The following NEGR1 variants were observed in gnomAD, a reference collection of about 807,000 sequenced individuals.
NEGR1 encodes IgLON family member 4.
NEGR1 carries 10 observed loss-of-function variants against 40.9 expected under a neutral mutation model. The ratio of observed to expected loss-of-function variants is 0.24; its 90% CI spans 0.15 to 0.42. The LOEUF is 0.42. NEGR1 is among the 10% of genes least tolerant of loss of function. The probability of loss-of-function intolerance (pLI) is 1.00; values close to 1 mark genes in which losing one functional copy is unlikely to be tolerated. For missense variants in NEGR1, 352 were observed against 438.9 expected (o/e 0.80, Z 1.77); for synonymous variants, 185 against 166.8 (o/e 1.11, Z -0.84).
chr1:71,471,416 C>T (rs989467303), intron 6 of NEGR1, among the ~76,000 whole-genome samples: 1 of 152,060 alleles, frequency 6.6e-6, no homozygotes, highest in Admixed American at 6.6e-5. Context: ...GAGGCCTTGG[C>T]GGCCAGATCA....
rs2483661 is a variant in NEGR1, at chr1:71,543,394, C to G, written c.940+49423G>C. On this transcript the variant is annotated intron_variant, in intron 6 of 6. Coordinates refer to ENST00000357731, the MANE Select transcript of NEGR1 (RefSeq NM_173808.3). The stretch of plus-strand genomic sequence containing the variant: ...GTGCCAATAAAAGCCTCAGCTTGAT[C>G]TGCGTATAAAACCCGTCTTAAAAAG... 3.5e-3 allele frequency among the ~76,000 whole-genome samples: 531 copies of G among 151,766 alleles called. 3 individuals are homozygous for G. The highest frequency in any genetic ancestry group is 0.012 in the African/African-American group (500 of 41,498).
intron 3 of NEGR1, among the ~76,000 whole-genome samples, chr1:71,745,786 CCAAA>C (rs1003949881): frequency 2.0e-5 from 3 of 152,084 alleles, no homozygotes; most frequent in South Asian, 2.1e-4. Flanking sequence ...ATGTCAAAAA[CCAAA>C]CAAACAAACA....
chr1:72,057,059 T>C (rs918436534), intron 1 of NEGR1, among the ~76,000 whole-genome samples: 2 of 151,612 alleles, frequency 1.3e-5, no homozygotes, highest in African/African-American at 4.8e-5. Flanking sequence ...AGAAGCTCTT[T>C]CTTTCCCACA....
At chr1:72,106,052 T>C (rs1649122528) in intron 1 of NEGR1, among the ~76,000 whole-genome samples, 1 of 152,010 alleles carries the variant, frequency 6.6e-6, no homozygotes, top group Non-Finnish European at 1.5e-5. Context: ...GGAGAAACAA[T>C]TAGATAACTT....
chr1:71,607,848 C>T (rs1433412835), intron 5 of NEGR1, among the ~76,000 whole-genome samples: 1 of 152,122 alleles, frequency 6.6e-6, no homozygotes, highest in African/African-American at 2.4e-5. Flanking sequence ...TGCCTGCCAC[C>T]ATGCCCGGCT....
intron 3 of NEGR1, among the ~76,000 whole-genome samples, chr1:71,732,894 G>A (rs1469124581): frequency 1.3e-5 from 2 of 151,942 alleles, no homozygotes; most frequent in East Asian, 3.9e-4. Context: ...TAGGATTAAG[G>A]ACAAAATGTT....
At chr1:71,802,919 T>G (rs757711125) in intron 2 of NEGR1, among the ~76,000 whole-genome samples, 2 of 152,190 alleles carry the variant, frequency 1.3e-5, no homozygotes, top group Non-Finnish European at 1.5e-5. Context: ...GATATTTAGA[T>G]GAGACTTTGG....
intron 4 of NEGR1, among the ~76,000 whole-genome samples, chr1:71,634,053 T>G (rs1433673984): frequency 6.6e-6 from 1 of 152,068 alleles, no homozygotes; most frequent in African/African-American, 2.4e-5. Context: ...CTTGGAGTTA[T>G]AGGCACACCA....
chr1:72,196,923 G>T (rs777593289), intron 1 of NEGR1, among the ~76,000 whole-genome samples: 1 of 151,986 alleles, frequency 6.6e-6, no homozygotes, highest in Non-Finnish European at 1.5e-5. Context: ...TAATTTTCCT[G>T]TGTGCCATGT....
At chr1:72,163,262 T>C (rs1651649859) in intron 1 of NEGR1, among the ~76,000 whole-genome samples, 1 of 152,144 alleles carries the variant, frequency 6.6e-6, no homozygotes, top group African/African-American at 2.4e-5. Context: ...GTCATCAATT[T>C]AGTAAGTGAT....
chr1:71,991,830 G>A (rs1646455507), intron 1 of NEGR1, among the ~76,000 whole-genome samples: 1 of 152,042 alleles, frequency 6.6e-6, no homozygotes, highest in African/African-American at 2.4e-5. Context: ...CTTGCTCTGT[G>A]GCCCAGGCTG....
At chr1:72,244,502 C>G (rs530095008) in intron 1 of NEGR1, among the ~76,000 whole-genome samples, 1 of 151,862 alleles carries the variant, frequency 6.6e-6, no homozygotes, top group East Asian at 1.9e-4. Context: ...TGTAAACACA[C>G]ACATATATAC....
In NEGR1 at chr1:72,037,103, T is replaced by C. The variant is rs528086889; in HGVS notation, c.177-101792A>G. 5.3e-5 allele frequency among the ~76,000 whole-genome samples: 8 copies of C among 152,272 alleles called. No homozygotes were observed. In the South Asian group the frequency reaches 1.2e-3, roughly 24 times the overall value. The stretch of plus-strand genomic sequence containing the variant: ...CCTATGACTTCTACATTTATCACTG[T>C]TGTAAATAAATTTGTATCTGGATTT... On this transcript the variant is annotated intron_variant, in intron 1 of 6. Coordinates refer to ENST00000357731, the MANE Select transcript of NEGR1 (RefSeq NM_173808.3).
chr1:71,668,402 G>C (rs1049443954), intron 4 of NEGR1, among the ~76,000 whole-genome samples: 9 of 152,218 alleles, frequency 5.9e-5, no homozygotes, highest in African/African-American at 2.2e-4. Context: ...CAGGCTGATA[G>C]AGGAGGATAG....
chr1:72,267,103 C>A (rs1226691806), intron 1 of NEGR1, among the ~76,000 whole-genome samples: 1 of 150,922 alleles, frequency 6.6e-6, no homozygotes, highest in Non-Finnish European at 1.5e-5. Context: ...TGTTGAGGAG[C>A]TTCCAACGTT....
At chr1:72,134,527 T>C (rs535638011) in intron 1 of NEGR1, among the ~76,000 whole-genome samples, 1 of 151,418 alleles carries the variant, frequency 6.6e-6, no homozygotes, top group African/African-American at 2.4e-5. Flanking sequence ...ATATGAAAAA[T>C]TTATTCAGAC....
At chr1:71,914,681 T>C (rs1174914048) in intron 2 of NEGR1, among the ~76,000 whole-genome samples, 1 of 152,172 alleles carries the variant, frequency 6.6e-6, no homozygotes, top group African/African-American at 2.4e-5. Flanking sequence ...GGAAAGATAA[T>C]GTTTTTTTCT....
intron 6 of NEGR1, among the ~76,000 whole-genome samples, chr1:71,512,232 A>G (rs1471007954): frequency 1.3e-5 from 2 of 152,126 alleles, no homozygotes; most frequent in Non-Finnish European, 2.9e-5. Flanking sequence ...AATGTTCTCT[A>G]TTGGGAATAT....
chr1:71,758,282 A>G (rs1655811971), intron 3 of NEGR1, among the ~76,000 whole-genome samples: 2 of 152,084 alleles, frequency 1.3e-5, no homozygotes, highest in South Asian at 4.1e-4. Context: ...GAGTATAAAT[A>G]ATTATTAGTT....
Sources: gnomAD v4.1 joint callset for allele counts (sites outside exome capture counted in the v4.1 genomes callset) on GRCh38, gnomAD v4.1.1 for gene constraint, MANE v1.5 for transcripts, NCBI Gene and HGNC (gene_info 2026-07-23, HGNC 2026-07-21) for gene names.